The following SPTBN4 variants were observed in gnomAD, a reference collection of about 807,000 sequenced individuals.
SPTBN4 encodes spectrin beta chain, non-erythrocytic 4.
SPTBN4 carries 96 observed loss-of-function variants against 277.8 expected under a neutral mutation model. The observed-to-expected ratio is 0.35, with a 90% confidence interval of 0.29 to 0.41. The LOEUF (loss-of-function observed/expected upper bound fraction) is 0.41, where lower values mean the gene tolerates loss of function less well. Among genes scored for constraint, SPTBN4 ranks in the 10% least tolerant of loss-of-function variants. The pLI is 1.00. For missense variants in SPTBN4, 3,006 were observed against 3,595.7 expected (o/e 0.84, Z 4.19); for synonymous variants, 1,481 against 1,580.3 (o/e 0.94, Z 1.49).
At chr19:40,494,542 G>A (rs2080173218) in intron 5 of SPTBN4, among the ~76,000 whole-genome samples, 1 of 146,494 alleles carries the variant, frequency 6.8e-6, no homozygotes, top group Non-Finnish European at 1.5e-5. Flanking sequence ...TATCTATTAT[G>A]TATGTATGTA....
Position 40,570,889 on chromosome 19 carries a change from A to T in SPTBN4, c.7319+161A>T, listed in dbSNP as rs968506821. 9 of 694,364 alleles carry T rather than the reference A, an allele frequency of 1.3e-5. 1 individual carries two copies. The highest frequency in any genetic ancestry group is 1.9e-5 in the Non-Finnish European group (9 of 473,160). The allele number at this position is 694,364 out of a possible 1,614,324, so 43.0% of individuals were successfully genotyped here. A position where few individuals can be genotyped will look rare whatever the true frequency, so the allele number is the denominator to read the frequency against. On this transcript the variant is annotated intron_variant, in intron 33 of 35. Coordinates refer to ENST00000598249, the MANE Select transcript of SPTBN4 (RefSeq NM_020971.3). ...CTGGGGGGTGGTGGTGGCTTAAATC[A>T]AGAAAGCCAACCAATGAGCAGGAGG...
chr19:40,492,935 C>A (rs1568771280), intron 4 of SPTBN4, 28 bp from the exon 5 acceptor site: 1 of 1,608,726 alleles, frequency 6.2e-7, no homozygotes, highest in East Asian at 2.2e-5. Context: ...TCTCCAGGCC[C>A]TGGTAGCCAT....
chr19:40,506,546 G>C (rs2145855155), intron 13 of SPTBN4, among the ~76,000 whole-genome samples, 160 bp downstream of exon 13: 1 of 152,312 alleles, frequency 6.6e-6, no homozygotes, highest in Non-Finnish European at 1.5e-5. Flanking sequence ...AAGTCATAGG[G>C]AGAATCAGTG....
Position 40,572,022 on chromosome 19 carries a change from G to T in SPTBN4, c.7323G>T (p.Ser2441=). ...LDANRKSSNR[S]WVSLYCVLSK... is the part of the protein sequence containing the mutation. ...GAGCCCCATCTTGTCGCTCCAGGTC[G>T]TGGGTGAGCCTGTACTGTGTGCTTA... is the stretch of plus-strand genomic sequence containing the variant. The change falls in exon 34 of 36, where the codon TCG becomes TCT. Residue 2441 remains serine (S), a synonymous_variant. Coordinates refer to ENST00000598249, the MANE Select transcript of SPTBN4 (RefSeq NM_020971.3). 1.3e-6 allele frequency: 2 copies of T among 1,543,402 alleles called. No individual in the cohort carries two copies. Among genetic ancestry groups the T allele is most frequent in the South Asian group, 1.2e-5 (1 of 81,384 alleles).
At chr19:40,530,888 G>C (rs377101875) in intron 18 of SPTBN4, 6 of 151,034 alleles carry the variant, frequency 4.0e-5, no homozygotes, top group African/African-American at 1.5e-4. Context: ...GGTTCAGGGC[G>C]TCTCAGCCTT....
intron 7 of SPTBN4, among the ~76,000 whole-genome samples, 194 bp from the exon 8 acceptor site, chr19:40,501,727 G>T (rs533662746): frequency 6.6e-6 from 1 of 152,168 alleles, no homozygotes; most frequent in South Asian, 2.1e-4. Context: ...TGGTTTATAT[G>T]TGTCAGGCAC....
rs115467727 is a variant in SPTBN4, at chr19:40,549,100, G to A, written c.4360-89G>A. On this transcript the variant is annotated intron_variant, in intron 20 of 35. Coordinates refer to ENST00000598249, the MANE Select transcript of SPTBN4 (RefSeq NM_020971.3). ...GGTGGAAGGGTGGGCCGCGGTGAGG[G>A]GTCTGGCTGTCACCATAAGGGTACT... 1,017 of 1,106,796 alleles carry A rather than the reference G, an allele frequency of 9.2e-4. 10 individuals carry two copies. The African/African-American group carries it at 0.015, about 16-fold the overall frequency. The allele number at this position is 1,106,796 out of a possible 1,614,324, so 68.6% of individuals were successfully genotyped here. A position where few individuals can be genotyped will look rare whatever the true frequency, so the allele number is the denominator to read the frequency against.
rs1568803555 is a variant in SPTBN4, at chr19:40,519,952, C to T, written c.3455C>T (p.Ala1152Val). The T allele has an allele frequency of 1.9e-6, 3 of 1,541,862 alleles. No homozygotes were observed. Among genetic ancestry groups the T allele is most frequent in the Admixed American group, 2.2e-5 (1 of 45,320 alleles). ...REEDYARIVA[A>V]SEALLAADGA... The stretch of plus-strand genomic sequence containing the variant: ...GAAGACTATGCTCGCATCGTGGCGG[C>T]CAGCGAGGCGCTGCTGGCCGCCGAC... Residue 1152 changes from alanine (A) to valine (V), a missense_variant, in exon 16 of 36, where the codon GCC becomes GTC. By Grantham distance (64) the Ala-to-Val change is moderately conservative. Coordinates refer to ENST00000598249, the MANE Select transcript of SPTBN4 (RefSeq NM_020971.3). The surrounding 1 kb of genome is among the most constrained non-coding windows in gnomAD (Gnocchi z 5.7).
chr19:40,540,585 T>C (rs962684091), intron 20 of SPTBN4, among the ~76,000 whole-genome samples: 40 of 151,746 alleles, frequency 2.6e-4, no homozygotes, highest in Admixed American at 2.0e-3. Flanking sequence ...TTGGGCACAG[T>C]GGCTCATGCC....
At chr19:40,558,911 A>AATTATT (rs371965577) in intron 26 of SPTBN4, among the ~76,000 whole-genome samples, 27,516 of 125,588 alleles carry the variant, frequency 0.22, 3,226 homozygotes, top group East Asian at 0.34. Context: ...CCCAGCTGGC[A>AATTATT]ATTATTATTA....
intron 2 of SPTBN4, among the ~76,000 whole-genome samples, chr19:40,482,786 A>G (rs1171362902): frequency 6.6e-6 from 1 of 151,144 alleles, no homozygotes; most frequent in Non-Finnish European, 1.5e-5. Flanking sequence ...ACATGGAGAA[A>G]CCCTGTCTCT....
chr19:40,475,768 C>T (rs1484756077), intron 2 of SPTBN4, among the ~76,000 whole-genome samples: 4 of 149,828 alleles, frequency 2.7e-5, no homozygotes, highest in Non-Finnish European at 5.9e-5. Flanking sequence ...GCTCAAGAAA[C>T]CTGGCTGATC....
chr19:40,566,653 G>T (rs982887766), intron 30 of SPTBN4, among the ~76,000 whole-genome samples: 1 of 152,104 alleles, frequency 6.6e-6, no homozygotes, highest in Non-Finnish European at 1.5e-5. Flanking sequence ...GAATAATTAG[G>T]TGAAGAGAAT....
intron 20 of SPTBN4, among the ~76,000 whole-genome samples, chr19:40,540,948 G>T (rs1176218641): frequency 6.6e-6 from 1 of 152,012 alleles, no homozygotes; most frequent in Non-Finnish European, 1.5e-5. Context: ...TCCTTCTGTG[G>T]CTGCTCACTC....
chr19:40,501,163 A>C (rs914695233), intron 7 of SPTBN4, among the ~76,000 whole-genome samples: 2 of 151,400 alleles, frequency 1.3e-5, no homozygotes, highest in Non-Finnish European at 2.9e-5. Flanking sequence ...GCTTGAACCT[A>C]GGAGCTCGAG....
chr19:40,503,005 G>A (rs2080281544), intron 11 of SPTBN4, 72 bp downstream of exon 11: 1 of 1,540,988 alleles, frequency 6.5e-7, no homozygotes, highest in African/African-American at 1.4e-5. Flanking sequence ...GACCAGAGAG[G>A]GAGACTTGAT....
At chr19:40,551,822 C>T (rs1006315996) in intron 22 of SPTBN4, among the ~76,000 whole-genome samples, 1 of 150,802 alleles carries the variant, frequency 6.6e-6, no homozygotes, top group Non-Finnish European at 1.5e-5. Flanking sequence ...GGGGAAACCC[C>T]GTCTCTACCA....
chr19:40,524,537 T>TC, intron 17 of SPTBN4: 1 of 454,078 alleles, frequency 2.2e-6, no homozygotes, highest in Non-Finnish European at 4.4e-6. Flanking sequence ...TTAACTTACT[T>TC]CCCTAGATGC....
intron 2 of SPTBN4, among the ~76,000 whole-genome samples, chr19:40,485,978 T>TAA (rs35587768): frequency 0.065 from 8,364 of 129,270 alleles, 245 homozygotes; most frequent in South Asian, 0.14. Context: ...AGGATGGCCA[T>TAA]AAAAAAAAAA....
Sources: allele counts gnomAD v4.1 joint callset (sites outside exome capture counted in the v4.1 genomes callset), GRCh38; gene constraint gnomAD v4.1.1; non-coding constraint Gnocchi (gnomAD v3.1); transcripts MANE v1.5; gene names NCBI Gene and HGNC (gene_info 2026-07-23, HGNC 2026-07-21).